DLGAP1: variants seen among roughly 807,000 people sequenced by gnomAD.
DLGAP1 encodes the protein DLG associated protein 1, also known as disks large-associated protein 1.
DLGAP1 carries 11 observed loss-of-function variants against 90.8 expected under a neutral mutation model. The ratio of observed to expected loss-of-function variants is 0.12; its 90% CI spans 0.08 to 0.20. The LOEUF (loss-of-function observed/expected upper bound fraction) is 0.20. Among genes scored for constraint, DLGAP1 ranks in the 10% least tolerant of loss-of-function variants. DLGAP1 has a pLI of 1.00. For missense variants in DLGAP1, 1,050 were observed against 1,333.8 expected (o/e 0.79, Z 3.31); for synonymous variants, 558 against 540.7 (o/e 1.03, Z -0.44).
intron 1 of DLGAP1, among the ~76,000 whole-genome samples, chr18:4,187,246 C>T (rs1033612538): frequency 3.3e-5 from 5 of 152,060 alleles, no homozygotes; most frequent in Admixed American, 6.6e-5. Context: ...CCCTTTATTT[C>T]TCTTGTCTGA....
chr18:4,337,683 C>A (rs1245103300), intron 1 of DLGAP1, among the ~76,000 whole-genome samples: 1 of 151,702 alleles, frequency 6.6e-6, no homozygotes, highest in Non-Finnish European at 1.5e-5. Flanking sequence ...ATTGACCAGC[C>A]GAAACCAAAA....
chr18:4,250,801 T>A (rs1383581724), intron 1 of DLGAP1, among the ~76,000 whole-genome samples: 2 of 152,122 alleles, frequency 1.3e-5, no homozygotes, highest in Non-Finnish European at 2.9e-5. Context: ...TGTCATTCAA[T>A]TGCTTCAATG....
chr18:4,454,486 G>C lies in DLGAP1; in HGVS notation c.-267+520C>G, dbSNP rs1243279778. On this transcript the variant is annotated intron_variant, in intron 1 of 12. Coordinates refer to ENST00000315677, the MANE Select transcript of DLGAP1 (RefSeq NM_004746.4). This position sits in a 1 kb window ranked among gnomAD's most constrained non-coding sequence, Gnocchi z 4.7. ...TCTCTTACAAACGCACGGGGGAGTT[G>C]GTCCTTTTCCACAATGCCAAAATGT... Among the ~76,000 whole-genome samples, 1 of 152,020 alleles carries C rather than the reference G, an allele frequency of 6.6e-6. No homozygotes were observed. The highest frequency in any genetic ancestry group is 6.5e-5 in the Admixed American group (1 of 15,272).
intron 7 of DLGAP1, among the ~76,000 whole-genome samples, chr18:3,682,135 A>AAAAT (rs1555627079): frequency 5.4e-5 from 8 of 147,702 alleles, no homozygotes; most frequent in East Asian, 2.0e-4. Flanking sequence ...AAAAAATAAA[A>AAAAT]AAAAATAAAA....
intron 1 of DLGAP1, among the ~76,000 whole-genome samples, chr18:4,221,763 T>C (rs1384699105): frequency 6.6e-6 from 1 of 152,160 alleles, no homozygotes; most frequent in Non-Finnish European, 1.5e-5. Flanking sequence ...ACTTTTTGCC[T>C]CCATTTTCTC....
chr18:4,263,002 G>A (rs1448547898), intron 1 of DLGAP1, among the ~76,000 whole-genome samples: 19 of 151,736 alleles, frequency 1.3e-4, no homozygotes, highest in Admixed American at 2.6e-4. Context: ...GTGTGATTTC[G>A]GCTCAGTGTA....
chr18:4,127,886 C>T (rs1485383316), intron 2 of DLGAP1, among the ~76,000 whole-genome samples: 1 of 152,144 alleles, frequency 6.6e-6, no homozygotes, highest in Non-Finnish European at 1.5e-5. Context: ...GTAAAACATT[C>T]ATTTTACATG....
chr18:3,846,158 A>G (rs1322366910), intron 4 of DLGAP1, among the ~76,000 whole-genome samples: 1 of 151,852 alleles, frequency 6.6e-6, no homozygotes, highest in African/African-American at 2.4e-5. Flanking sequence ...TTAAGTGGGC[A>G]GCATTTACTA....
At chr18:3,515,777 CAAAAAAA>C (rs55680550) in intron 10 of DLGAP1, among the ~76,000 whole-genome samples, 1 of 93,472 alleles carries the variant, frequency 1.1e-5, no homozygotes, top group Non-Finnish European at 2.1e-5. Context: ...GACCCTGTCT[CAAAAAAA>C]AAAAAAAAAA....
At chr18:3,617,373 T>C (rs1618629) in intron 7 of DLGAP1, among the ~76,000 whole-genome samples, 97,675 of 151,932 alleles carry the variant, frequency 0.64, 32,071 homozygotes, top group East Asian at 0.79. Context: ...CCAAGGCAGG[T>C]GGATCACCTG....
At chr18:3,639,476 G>C (rs868744155) in intron 7 of DLGAP1, among the ~76,000 whole-genome samples, 9 of 152,206 alleles carry the variant, frequency 5.9e-5, no homozygotes, top group Admixed American at 6.5e-5. Context: ...AGAAGCACAG[G>C]AAGAGCACGA....
intron 1 of DLGAP1, among the ~76,000 whole-genome samples, chr18:4,256,751 T>A (rs57817372): frequency 0.018 from 2,678 of 152,258 alleles, 75 homozygotes; most frequent in African/African-American, 0.061. Context: ...ACTGTATAAA[T>A]CACTGGGAAT....
chr18:3,937,000 T>C (rs893903939), intron 3 of DLGAP1, among the ~76,000 whole-genome samples: 30 of 152,132 alleles, frequency 2.0e-4, no homozygotes, highest in Admixed American at 1.6e-3. Context: ...TGCAGAGAAC[T>C]AATGGAGGAG....
intron 7 of DLGAP1, among the ~76,000 whole-genome samples, chr18:3,685,199 C>T (rs544012993): frequency 6.6e-6 from 1 of 152,244 alleles, no homozygotes; most frequent in Non-Finnish European, 1.5e-5. Flanking sequence ...GATATATCAG[C>T]AACCAAGAGA....
chr18:3,754,085 T>C (rs1432618115), intron 5 of DLGAP1, among the ~76,000 whole-genome samples: 1 of 152,206 alleles, frequency 6.6e-6, no homozygotes, highest in Non-Finnish European at 1.5e-5. Flanking sequence ...ACTGCAGCCT[T>C]AACTTCTCAG....
intron 4 of DLGAP1, among the ~76,000 whole-genome samples, chr18:3,835,475 C>G (rs2068314663): frequency 6.6e-6 from 1 of 151,900 alleles, no homozygotes; most frequent in African/African-American, 2.4e-5. Flanking sequence ...CGGTGAAACC[C>G]TGTCTCTACT....
chr18:4,219,672 G>A (rs1461286996), intron 1 of DLGAP1, among the ~76,000 whole-genome samples: 1 of 151,956 alleles, frequency 6.6e-6, no homozygotes, highest in Non-Finnish European at 1.5e-5. Flanking sequence ...TATTAACTAA[G>A]CATCTAATTA....
At chr18:4,321,292 G>C (rs1414781569) in intron 1 of DLGAP1, among the ~76,000 whole-genome samples, 1 of 152,182 alleles carries the variant, frequency 6.6e-6, no homozygotes, top group Non-Finnish European at 1.5e-5. Context: ...TTAATTACAA[G>C]TATTATGATA....
intron 4 of DLGAP1, among the ~76,000 whole-genome samples, chr18:3,852,678 T>C (rs932720872): frequency 2.6e-5 from 4 of 152,180 alleles, no homozygotes; most frequent in South Asian, 4.1e-4. Context: ...CAATTTGTTA[T>C]AATAATTTTT....
Sources: gnomAD v4.1 joint callset for allele counts (sites outside exome capture counted in the v4.1 genomes callset) on GRCh38, gnomAD v4.1.1 for gene constraint, Gnocchi (gnomAD v3.1) non-coding constraint, MANE v1.5 for transcripts, NCBI Gene and HGNC (gene_info 2026-07-23, HGNC 2026-07-21) for gene names.